Variants in PCDH9 observed in about 807,000 individuals in gnomAD.
PCDH9 encodes protocadherin-9.
In PCDH9, 24 loss-of-function variants were observed where a neutral mutation model predicts 70.6. The observed-to-expected ratio is 0.34, with a 90% CI of 0.25 to 0.48. The LOEUF is 0.48. Among genes scored for constraint, PCDH9 ranks in the 20% least tolerant of loss-of-function variants. The pLI is 0.99. For missense variants in PCDH9, 1,281 were observed against 1,503.6 expected, an observed-to-expected ratio of 0.85 and a Z score of 2.45; for synonymous variants, 562 against 558.5, an observed-to-expected ratio of 1.01 and a Z score of -0.09.
Position 66,827,086 on chromosome 13 carries a change from T to C in PCDH9, c.3138+76418A>G, listed in dbSNP as rs143159652. On this transcript the variant is annotated intron_variant, in intron 3 of 4. Coordinates refer to ENST00000377865, the MANE Select transcript of PCDH9 (RefSeq NM_203487.3). ...ATGGAGGCAGAGGAAGATTTGACTA[T>C]AGAAGAGTGGTAGGAGACATGAAGC... 3.9e-4 allele frequency among the ~76,000 whole-genome samples: 59 copies of C among 152,222 alleles called. No homozygotes were observed. The East Asian group carries it at 0.011, about 28-fold the overall frequency.
At position 66,989,173 on chromosome 13, in the gene PCDH9, A is replaced by G. The variant is rs1290327804; in HGVS notation, c.3037-85568T>C. ...TTGGAATAAATATTATATATGTTAC[A>G]AATCATGAATTCATTGTGATTTCAA... is the stretch of plus-strand genomic sequence containing the variant. On this transcript the variant is annotated intron_variant, in intron 2 of 4. Transcript: ENST00000377865. Among the ~76,000 whole-genome samples, 4 of 152,090 alleles carry G rather than the reference A, an allele frequency of 2.6e-5. No individual in the cohort carries two copies. The East Asian group carries it at 7.7e-4, about 29-fold the overall frequency.
intron 3 of PCDH9, among the ~76,000 whole-genome samples, chr13:66,888,969 C>A (rs1002308721): frequency 3.3e-5 from 5 of 152,126 alleles, no homozygotes; most frequent in African/African-American, 1.2e-4. Flanking sequence ...GATTCACAAG[C>A]TCAATTGTAG....
At chr13:66,709,191 T>G (rs1307152602) in intron 3 of PCDH9, among the ~76,000 whole-genome samples, 1 of 152,190 alleles carries the variant, frequency 6.6e-6, no homozygotes, top group Admixed American at 6.5e-5. Flanking sequence ...TACACTGCTA[T>G]TATTAACATT....
At chr13:66,688,515 G>T (rs1222555966) in intron 3 of PCDH9, among the ~76,000 whole-genome samples, 1 of 152,126 alleles carries the variant, frequency 6.6e-6, no homozygotes, top group African/African-American at 2.4e-5. Context: ...CCTGAAAGTA[G>T]AAGTGGAAAG....
At chr13:66,416,604 A>G (rs6562453) in intron 4 of PCDH9, among the ~76,000 whole-genome samples, 126,347 of 152,192 alleles carry the variant, frequency 0.83, 53,717 homozygotes, top group South Asian at 0.95. Context: ...GACAAGCAAG[A>G]CTTTGCAGCA....
At chr13:66,325,509 A>G (rs1378009976) in intron 4 of PCDH9, among the ~76,000 whole-genome samples, 1 of 152,032 alleles carries the variant, frequency 6.6e-6, no homozygotes, top group Non-Finnish European at 1.5e-5. Flanking sequence ...CCTATTCCAC[A>G]GTTAGAGCTG....
At chr13:67,081,571 G>GAAAAC (rs1267694446) in intron 2 of PCDH9, among the ~76,000 whole-genome samples, 3 of 152,040 alleles carry the variant, frequency 2.0e-5, no homozygotes, top group Admixed American at 6.6e-5. Flanking sequence ...TCCATCTCAA[G>GAAAAC]AAAACAAAAC....
intron 2 of PCDH9, among the ~76,000 whole-genome samples, chr13:67,012,539 A>T (rs1258848252): frequency 6.6e-6 from 1 of 151,998 alleles, no homozygotes; most frequent in African/African-American, 2.4e-5. Context: ...ATGAACACTG[A>T]TAAGAAAATT....
chr13:66,610,793 A>T (rs935900795), intron 4 of PCDH9, among the ~76,000 whole-genome samples: 4 of 152,166 alleles, frequency 2.6e-5, no homozygotes, highest in African/African-American at 9.7e-5. Context: ...AGAGGCTTTG[A>T]AAAACATTCT....
intron 2 of PCDH9, among the ~76,000 whole-genome samples, chr13:67,147,033 TACAA>T (rs2087539016): frequency 6.6e-6 from 1 of 152,132 alleles, no homozygotes; most frequent in South Asian, 2.1e-4. Context: ...AGCATTTTTA[TACAA>T]ACAAAGTAGA....
intron 3 of PCDH9, among the ~76,000 whole-genome samples, chr13:66,747,221 T>C (rs933390672): frequency 6.6e-6 from 1 of 151,918 alleles, no homozygotes; most frequent in African/African-American, 2.4e-5. Context: ...TATGGTGGTG[T>C]GTGCCTGTAA....
At position 67,030,112 on chromosome 13, in the gene PCDH9, G is replaced by A. The variant is rs906143894; in HGVS notation, c.3037-126507C>T. ...TTATTTATTTAGGAGATGGAGTCTC[G>A]CTCTGTCACCCAGGCTGGAGTGCAG... On this transcript the variant is annotated intron_variant, in intron 2 of 4. Coordinates refer to ENST00000377865, the MANE Select transcript of PCDH9 (RefSeq NM_203487.3). Among the ~76,000 whole-genome samples the A allele has an allele frequency of 5.9e-5, 9 of 151,872 alleles. No homozygotes were observed. The East Asian group carries it at 7.8e-4, about 13-fold the overall frequency.
intron 4 of PCDH9, among the ~76,000 whole-genome samples, chr13:66,400,853 A>G (rs1382784182): frequency 6.6e-6 from 1 of 152,230 alleles, no homozygotes; most frequent in African/African-American, 2.4e-5. Flanking sequence ...GTGGATTCCA[A>G]GACTCTTCAG....
Position 66,849,500 on chromosome 13 carries a change from A to ATT in PCDH9, c.3138+54003_3138+54004insAA, listed in dbSNP as rs1428483482. Among the ~76,000 whole-genome samples, 5 of 83,964 alleles carry ATT rather than the reference A, an allele frequency of 6.0e-5. No homozygotes were observed. The Admixed American group carries it at 6.3e-4, about 11-fold the overall frequency. The allele number at this position is 83,964 out of a possible 152,430, so 55.1% of individuals were successfully genotyped here. On this transcript the variant is annotated intron_variant, in intron 3 of 4. Transcript: ENST00000377865. Reference sequence around the variant, plus strand: ...ATCATAGGTAGGTATATATATATATATATATATATATATATATAGAGAGAG... The same window carrying ATT: ...ATCATAGGTAGGTATATATATATATATTTATATATATATATATATAGAGAGAG...
chr13:67,135,461 CT>C (rs537278884), intron 2 of PCDH9, among the ~76,000 whole-genome samples: 377 of 152,120 alleles, frequency 2.5e-3, no homozygotes, highest in South Asian at 6.8e-3. Flanking sequence ...CATTTCTTTT[CT>C]TTTTTCTCCT....
At chr13:66,744,416 T>C (rs1465161222) in intron 3 of PCDH9, among the ~76,000 whole-genome samples, 1 of 152,166 alleles carries the variant, frequency 6.6e-6, no homozygotes, top group Non-Finnish European at 1.5e-5. Flanking sequence ...CAGTGAATTT[T>C]TTAAAAATTT....
At chr13:67,104,871 G>A (rs2086506608) in intron 2 of PCDH9, among the ~76,000 whole-genome samples, 1 of 152,052 alleles carries the variant, frequency 6.6e-6, no homozygotes, top group African/African-American at 2.4e-5. Flanking sequence ...TTAACCTGTA[G>A]GATCCCCCTC....
At chr13:67,112,663 C>T (rs190735354) in intron 2 of PCDH9, among the ~76,000 whole-genome samples, 2 of 151,856 alleles carry the variant, frequency 1.3e-5, no homozygotes, top group East Asian at 1.9e-4. Context: ...CCCTCCCTTC[C>T]TCCCTCCCTT....
In PCDH9 at chr13:66,495,648, TA is replaced by T. The variant is rs540013092; in HGVS notation, c.3340+135561del. Among the ~76,000 whole-genome samples the T allele has an allele frequency of 4.3e-3, 652 of 152,292 alleles. 4 individuals are homozygous for T. The highest frequency in any genetic ancestry group is 0.014 in the African/African-American group (585 of 41,554). ...CCTTACTTCTTCAACTAGAGCATTC[TA>T]AAAAGTCAGAATTGTTTAATTTGGT... On this transcript the variant is annotated intron_variant, in intron 4 of 4. Coordinates refer to ENST00000377865, the MANE Select transcript of PCDH9 (RefSeq NM_203487.3).
Sources: allele counts gnomAD v4.1 joint callset (sites outside exome capture counted in the v4.1 genomes callset), GRCh38; gene constraint gnomAD v4.1.1; transcripts MANE v1.5; gene names NCBI Gene and HGNC (gene_info 2026-07-23, HGNC 2026-07-21).